TIAM1: variants seen among roughly 807,000 people sequenced by gnomAD.
TIAM1 encodes TIAM Rac1 associated GEF 1.
TIAM1 carries 65 observed loss-of-function variants against 163.5 expected under a neutral mutation model. That is an observed-to-expected ratio of 0.40 (90% CI 0.33 to 0.49). The LOEUF (loss-of-function observed/expected upper bound fraction) is 0.49, where lower values mean the gene tolerates loss of function less well. Among genes scored for constraint, TIAM1 ranks in the 20% least tolerant of loss-of-function variants. TIAM1 has a pLI of 0.77. For missense variants in TIAM1, 1,789 were observed against 2,044.7 expected (o/e 0.87, Z 2.41); for synonymous variants, 833 against 810.1 (o/e 1.03, Z -0.48).
intron 14 of TIAM1, among the ~76,000 whole-genome samples, chr21:31,183,580 G>C (rs113180913): frequency 1.3e-5 from 2 of 152,106 alleles, no homozygotes; most frequent in African/African-American, 4.8e-5. Context: ...CCAGGCCCTC[G>C]GGCATCCCAC....
intron 20 of TIAM1, among the ~76,000 whole-genome samples, chr21:31,142,644 AAAG>A (rs1339695123): frequency 1.1e-4 from 16 of 142,700 alleles, no homozygotes; most frequent in African/African-American, 4.5e-4. Context: ...AAAAAAAAAA[AAAG>A]AAAGAAAAAA....
chr21:31,444,789 G>A (rs7348980), intron 2 of TIAM1, among the ~76,000 whole-genome samples: 11 of 152,200 alleles, frequency 7.2e-5, no homozygotes, highest in African/African-American at 2.6e-4. Flanking sequence ...ACCTGAGGTC[G>A]GGAGCTTGAG....
intron 14 of TIAM1, among the ~76,000 whole-genome samples, chr21:31,183,061 C>T (rs1277458788): frequency 6.6e-6 from 1 of 152,194 alleles, no homozygotes. Flanking sequence ...ACTTAAGTCA[C>T]AGCCAGCTAA....
chr21:31,492,587 AC>A (rs957698039), intron 1 of TIAM1, among the ~76,000 whole-genome samples: 5 of 152,246 alleles, frequency 3.3e-5, no homozygotes, highest in African/African-American at 9.6e-5. Flanking sequence ...ACCTTACCAG[AC>A]CAAACCAATG....
intron 3 of TIAM1, among the ~76,000 whole-genome samples, chr21:31,269,121 C>T (rs1388875044): frequency 1.3e-5 from 2 of 152,210 alleles, no homozygotes; most frequent in African/African-American, 4.8e-5. Context: ...CATATATTTT[C>T]AACAACAGCT....
intron 1 of TIAM1, among the ~76,000 whole-genome samples, chr21:31,550,230 C>A (rs927880215): frequency 2.0e-5 from 3 of 151,972 alleles, no homozygotes; most frequent in African/African-American, 7.3e-5. Flanking sequence ...GTGGAAATAA[C>A]CCAATGTCTA....
At chr21:31,390,024 T>C (rs975282087) in intron 2 of TIAM1, among the ~76,000 whole-genome samples, 3 of 152,168 alleles carry the variant, frequency 2.0e-5, no homozygotes, top group South Asian at 2.1e-4. Flanking sequence ...ATTTTAAAGA[T>C]ATATTTTTAA....
At chr21:31,364,151 G>A (rs930058774) in intron 2 of TIAM1, among the ~76,000 whole-genome samples, 4 of 152,142 alleles carry the variant, frequency 2.6e-5, no homozygotes, top group Admixed American at 2.0e-4. Context: ...AGCACTAGCC[G>A]ATAGCTTTCT....
At chr21:31,531,219 A>C (rs1046355106) in intron 1 of TIAM1, among the ~76,000 whole-genome samples, 1 of 152,126 alleles carries the variant, frequency 6.6e-6, no homozygotes, top group Non-Finnish European at 1.5e-5. Flanking sequence ...CCAGGCCTCC[A>C]CTGAGCCCGT....
intron 2 of TIAM1, among the ~76,000 whole-genome samples, chr21:31,290,401 C>T (rs2073972992): frequency 6.6e-6 from 1 of 151,898 alleles, no homozygotes; most frequent in Admixed American, 6.6e-5. Flanking sequence ...TGAGAGGCCA[C>T]AGCAGGCAGA....
intron 2 of TIAM1, among the ~76,000 whole-genome samples, chr21:31,328,543 A>T (rs75432573): frequency 1.7e-3 from 240 of 145,140 alleles, no homozygotes; most frequent in African/African-American, 4.1e-3. Flanking sequence ...GCTTATTATT[A>T]TTTTTTTTTT....
At chr21:31,134,087 A>C (rs775509674) in intron 23 of TIAM1, among the ~76,000 whole-genome samples, 3 of 152,120 alleles carry the variant, frequency 2.0e-5, no homozygotes, top group Non-Finnish European at 2.9e-5. Context: ...CCAAAAAAAC[A>C]AAACAAAACG....
At position 31,163,235 on chromosome 21, in the gene TIAM1, T is replaced by C. The variant is rs575258068; in HGVS notation, c.2991+1727A>G. On this transcript the variant is annotated intron_variant, in intron 16 of 27. Coordinates refer to ENST00000541036, the MANE Select transcript of TIAM1 (RefSeq NM_001353694.2). ...ATTGAAAATTAATATTTTTAGTTCT[T>C]ATAATACTGTAACTTAATAGATACC... Among the ~76,000 whole-genome samples, 10 of 152,328 alleles carry C rather than the reference T, an allele frequency of 6.6e-5. No individual in the cohort carries two copies. The South Asian group carries it at 2.1e-3, about 32-fold the overall frequency.
chr21:31,403,320 T>C (rs2077196285), intron 2 of TIAM1, among the ~76,000 whole-genome samples: 2 of 152,110 alleles, frequency 1.3e-5, no homozygotes, highest in Non-Finnish European at 2.9e-5. Context: ...GCTAATTTTT[T>C]GTATTTTTAG....
chr21:31,397,261 G>GT (rs1176579368), intron 2 of TIAM1, among the ~76,000 whole-genome samples: 2 of 152,162 alleles, frequency 1.3e-5, no homozygotes, highest in Non-Finnish European at 2.9e-5. Context: ...ATGCCCGTTT[G>GT]TAAGTGTCAT....
rs1602520247 is a variant in TIAM1, at chr21:31,538,936, A to T, written c.-422+19991T>A. Among the ~76,000 whole-genome samples the T allele has an allele frequency of 2.6e-5, 4 of 152,278 alleles. No homozygotes were observed. In the East Asian group the frequency reaches 5.8e-4, roughly 22 times the overall value. On this transcript the variant is annotated intron_variant, in intron 1 of 28. Coordinates refer to the TIAM1 transcript ENST00000286827. ...TCCAGCCACCTACCATGCCTCCCGT[A>T]ATGGAAACACCACATTTAAACAGGT...
rs1004411736 is a variant in TIAM1, at chr21:31,225,758, C to G, written c.1777G>C (p.Asp593His). ...AATATTGTTTTCTTTTTCTTTGAGT[C>G]AGTGACTGAAGACAGCTGCATTTCA... ...MGEMQLSSVT[D>H]SKKKKTILDQ... is the part of the protein sequence containing the mutation. The change falls in exon 7 of 28, where the codon GAC (aspartate) becomes CAC (histidine). Residue 593 changes from aspartate (D) to histidine (H), a missense_variant. Asp to His is a moderately conservative substitution (Grantham distance 81). Coordinates refer to ENST00000541036, the MANE Select transcript of TIAM1 (RefSeq NM_001353694.2). 1 of 1,613,286 alleles carries G rather than the reference C, an allele frequency of 6.2e-7. No individual in the cohort carries two copies. Among genetic ancestry groups the G allele is most frequent in the Non-Finnish European group, 8.5e-7 (1 of 1,179,982 alleles).
At chr21:31,331,590 C>A (rs1388500078) in intron 2 of TIAM1, among the ~76,000 whole-genome samples, 1 of 152,232 alleles carries the variant, frequency 6.6e-6, no homozygotes, top group Non-Finnish European at 1.5e-5. Context: ...CAGCTTGAAA[C>A]ATCCAACCAA....
At chr21:31,430,840 AT>A (rs901494195) in intron 2 of TIAM1, among the ~76,000 whole-genome samples, 5 of 152,112 alleles carry the variant, frequency 3.3e-5, no homozygotes, top group African/African-American at 9.7e-5. Context: ...AAAAGCCTCT[AT>A]TTTTTGTATA....
Sources: allele counts gnomAD v4.1 joint callset (sites outside exome capture counted in the v4.1 genomes callset), GRCh38; gene constraint gnomAD v4.1.1; transcripts MANE v1.5; gene names NCBI Gene and HGNC (gene_info 2026-07-23, HGNC 2026-07-21).